The following TUBGCP5 variants were observed in gnomAD, a reference collection of about 807,000 sequenced individuals.
The protein encoded by TUBGCP5 is tubulin gamma complex component 5.
In TUBGCP5, 98 loss-of-function variants were observed where a neutral mutation model predicts 134.7. That is an observed-to-expected ratio of 0.73 (90% confidence interval 0.62 to 0.86). The LOEUF (loss-of-function observed/expected upper bound fraction) is 0.86. Among genes scored for constraint, TUBGCP5 ranks in the 40% least tolerant of loss-of-function variants. The probability of loss-of-function intolerance (pLI) is 0.00; values close to 1 mark genes in which losing one functional copy is unlikely to be tolerated. For synonymous variants in TUBGCP5, 456 were observed against 431.4 expected (o/e 1.06, Z -0.71); for missense variants, 1,150 against 1,244.8 (o/e 0.92, Z 1.15).
rs1411510354 is a variant in TUBGCP5, at chr15:23,006,049, T to C, written c.2533+3A>G. ...CAATTTATCTGCTGAAAACAAATCTTACCACCAAAAAGTAAAACATCCAGA... is the reference window on the plus strand; with the variant it reads ...CAATTTATCTGCTGAAAACAAATCTCACCACCAAAAAGTAAAACATCCAGA... On this transcript the variant is annotated splice_donor_region_variant and intron_variant, in intron 18 of 22. Coordinates refer to ENST00000615383, the MANE Select transcript of TUBGCP5 (RefSeq NM_052903.6). 5.0e-6 allele frequency: 8 copies of C among 1,590,554 alleles called. No individual in the cohort carries two copies. The Admixed American group carries it at 1.5e-4, about 30-fold the overall frequency.
chr15:23,011,020 G>A (rs2065003541), intron 14 of TUBGCP5, 113 bp downstream of exon 14: 2 of 975,960 alleles, frequency 2.0e-6, no homozygotes, highest in Admixed American at 2.5e-5. Flanking sequence ...AAAAAGAAAG[G>A]ATAGCCTACA....
chr15:23,002,884 CTT>C (rs11377608), intron 21 of TUBGCP5, among the ~76,000 whole-genome samples, 179 bp downstream of exon 21: 3 of 145,480 alleles, frequency 2.1e-5, no homozygotes. Context: ...AATACTTGCA[CTT>C]TTTTTTTTTT....
chr15:23,009,966 T>C lies in TUBGCP5; in HGVS notation c.2123A>G (p.Gln708Arg), dbSNP rs752242764. 2.3e-4 allele frequency: 376 copies of C among 1,613,156 alleles called. No individual in the cohort carries two copies. The highest frequency in any genetic ancestry group is 3.1e-4 in the Non-Finnish European group (370 of 1,179,638). The change falls in exon 15 of 23, where the codon CAA becomes CGA. Residue 708 changes from glutamine to arginine, a missense_variant. Physicochemically the swap from Gln to Arg is conservative, Grantham distance 43. Transcript: ENST00000615383. ...QYLDCCGNLM[Q>R]TLKKDYRLVE... ...TTACCTGTAATCTTTTTTTAGAGTT[T>C]GCATGAGATTTCCACAGCAATCTAG...
Position 23,032,718 on chromosome 15 carries a change from A to T in TUBGCP5, c.406+10T>A, listed in dbSNP as rs770536661. On this transcript the variant is annotated intron_variant, in intron 4 of 22. Transcript: ENST00000615383. ...TTACTTCTCATATGTTAAGGAATCT[A>T]GTAACATACCCACTTCTTTATTTCT... 2.3e-5 allele frequency: 36 copies of T among 1,533,596 alleles called. 1 individual carries two copies. The highest frequency in any genetic ancestry group is 3.0e-5 in the Non-Finnish European group (34 of 1,136,206). 95.0% of individuals were successfully genotyped at this position (1,533,596 alleles called of 1,614,324 possible). A position where few individuals can be genotyped will look rare whatever the true frequency, so the allele number is the denominator to read the frequency against.
intron 13 of TUBGCP5, among the ~76,000 whole-genome samples, chr15:23,017,470 A>G (rs1246428883): frequency 6.6e-6 from 1 of 152,140 alleles, no homozygotes; most frequent in East Asian, 1.9e-4. Context: ...ATAATAAAAG[A>G]AAAGAAATGG....
At position 23,005,414 on chromosome 15, in the gene TUBGCP5, G is replaced by C. The variant is rs200156675; in HGVS notation, c.2712+18C>G. On this transcript the variant is annotated intron_variant, in intron 19 of 22. Coordinates refer to ENST00000615383, the MANE Select transcript of TUBGCP5 (RefSeq NM_052903.6). ...TAGATACGACGATAGAACTGAAGCA[G>C]ATGGGAGAGGCACAAACCCTGGTCA... is the stretch of plus-strand genomic sequence containing the variant. 2 of 1,612,354 alleles carry C rather than the reference G, an allele frequency of 1.2e-6. No individual in the cohort carries two copies. The highest frequency in any genetic ancestry group is 2.2e-5 in the East Asian group (1 of 44,860).
chr15:23,019,477 A>C (rs986490324), intron 11 of TUBGCP5, 143 bp from the exon 12 acceptor site: 10 of 647,382 alleles, frequency 1.5e-5, no homozygotes, highest in Middle Eastern at 5.0e-4. Flanking sequence ...AAAATCCAAA[A>C]ACATACACTA....
chr15:23,037,047 CTA>C, intron 2 of TUBGCP5, 42 bp from the exon 3 acceptor site: 1 of 1,595,514 alleles, frequency 6.3e-7, no homozygotes, highest in Non-Finnish European at 8.5e-7. Context: ...TTAAAAAGAT[CTA>C]TAAGAAAATA....
At chr15:23,004,276 T>TGC (rs1227948831) in intron 19 of TUBGCP5, 49 bp from the exon 20 acceptor site, 1 of 1,587,056 alleles carries the variant, frequency 6.3e-7, no homozygotes, top group East Asian at 2.3e-5. Context: ...CTTTGAGGAC[T>TGC]TGTGTGCTGC....
intron 3 of TUBGCP5, among the ~76,000 whole-genome samples, chr15:23,034,697 A>AAAAATACAAAAATTAGC (rs1312399921): frequency 6.6e-6 from 1 of 152,094 alleles, no homozygotes; most frequent in Non-Finnish European, 1.5e-5. Context: ...CATCTCTACT[A>AAAAATACAAAAATTAGC]AAAATACAAA....
chr15:23,027,449 T>C, intron 6 of TUBGCP5, 143 bp from the exon 7 acceptor site: 2 of 663,620 alleles, frequency 3.0e-6, no homozygotes, highest in Middle Eastern at 2.6e-4. Context: ...GTATATATGA[T>C]TATTTTAAAC....
intron 4 of TUBGCP5, 73 bp from the exon 5 acceptor site, chr15:23,032,102 A>G: frequency 9.1e-7 from 1 of 1,096,642 alleles, no homozygotes; most frequent in Middle Eastern, 2.2e-4. Context: ...AACTAAGGAA[A>G]AAAGACTAAC....
At chr15:23,009,903 A>G in intron 15 of TUBGCP5, 42 bp downstream of exon 15, 3 of 1,563,068 alleles carry the variant, frequency 1.9e-6, no homozygotes, top group Non-Finnish European at 2.6e-6. Flanking sequence ...CTTCAAGTAC[A>G]ATCAACTATT....
intron 12 of TUBGCP5, 91 bp from the exon 13 acceptor site, chr15:23,018,132 A>G (rs1567134964): frequency 1.5e-6 from 2 of 1,313,814 alleles, no homozygotes; most frequent in African/African-American, 1.5e-5. Flanking sequence ...ATTATAAAAC[A>G]TAGTATTAAT....
intron 23 of TUBGCP5, among the ~76,000 whole-genome samples, chr15:22,987,425 G>A (rs1049159151): frequency 6.6e-6 from 1 of 151,912 alleles, no homozygotes; most frequent in African/African-American, 2.4e-5. Flanking sequence ...TTTGGCTCTG[G>A]TAAACTGAAA....
intron 13 of TUBGCP5, among the ~76,000 whole-genome samples, chr15:23,015,232 T>A (rs1317241322): frequency 6.6e-6 from 1 of 151,956 alleles, no homozygotes; most frequent in Non-Finnish European, 1.5e-5. Flanking sequence ...ATTATAGGCA[T>A]GCGCCACCAC....
rs369870125 is a variant in TUBGCP5, at chr15:23,024,212, G to C, written c.922-19C>G. ...AACAGCTCTACAACACAAGCAAACT[G>C]CAATTATTCAAAGGTGGTCTTCTGT... On this transcript the variant is annotated intron_variant, in intron 9 of 22. Transcript: ENST00000615383. The C allele has an allele frequency of 3.7e-5, 60 of 1,604,842 alleles. No individual in the cohort carries two copies. Among genetic ancestry groups the C allele is most frequent in the Non-Finnish European group, 4.7e-5 (55 of 1,174,200 alleles).
chr15:23,032,591 G>T, intron 4 of TUBGCP5, 137 bp downstream of exon 4: 1 of 538,340 alleles, frequency 1.9e-6, no homozygotes, highest in Non-Finnish European at 3.1e-6. Flanking sequence ...TTTTACAATT[G>T]TGATAGCATC....
intron 5 of TUBGCP5, 83 bp downstream of exon 5, chr15:23,031,867 C>T: frequency 2.0e-6 from 2 of 1,024,766 alleles, no homozygotes; most frequent in Non-Finnish European, 2.9e-6. Flanking sequence ...GCTAAGTTGA[C>T]CTAGGGTGGA....
Sources: gnomAD v4.1 joint callset for allele counts (sites outside exome capture counted in the v4.1 genomes callset) on GRCh38, gnomAD v4.1.1 for gene constraint, MANE v1.5 for transcripts, NCBI Gene and HGNC (gene_info 2026-07-23, HGNC 2026-07-21) for gene names.